The following AGPAT4 variants were observed in gnomAD, a reference collection of about 807,000 sequenced individuals.
AGPAT4 encodes the protein 1-acylglycerol-3-phosphate O-acyltransferase 4.
A neutral mutation model predicts 48.0 loss-of-function variants in AGPAT4; 15 were observed. That is an observed-to-expected ratio of 0.31 (90% CI 0.21 to 0.48). AGPAT4 has a LOEUF of 0.48. AGPAT4 is among the 20% of genes least tolerant of loss of function. The pLI is 0.99. For missense variants in AGPAT4, 314 were observed against 482.5 expected (o/e 0.65, Z 3.27); for synonymous variants, 178 against 198.7 (o/e 0.90, Z 0.88).
chr6:161,153,282 C>A, intron 5 of AGPAT4, 64 bp downstream of exon 5: 1 of 1,541,758 alleles, frequency 6.5e-7, no homozygotes, highest in Admixed American at 1.9e-5. Flanking sequence ...CTCTGCCCAT[C>A]CGGAGCTGGG....
rs1779173099 is a variant in AGPAT4 at position 161,139,237 on chromosome 6, C to T, written c.1042+185G>A. On this transcript the variant is annotated intron_variant, in intron 8 of 8. Coordinates refer to ENST00000320285, the MANE Select transcript of AGPAT4 (RefSeq NM_020133.3). This position sits in a 1 kb window ranked among gnomAD's most constrained non-coding sequence, Gnocchi z 9.1. Reference sequence around the variant, plus strand: ...GGACCGTCCAGGCTGCGGAGGGGGTCCCAGGCCTGGTATTCGAGGGCCTCG... The same window carrying T: ...GGACCGTCCAGGCTGCGGAGGGGGTTCCAGGCCTGGTATTCGAGGGCCTCG... Among the ~76,000 whole-genome samples, 1 of 152,202 alleles carries T rather than the reference C, an allele frequency of 6.6e-6. No individual in the cohort carries two copies. Among genetic ancestry groups the T allele is most frequent in the African/African-American group, 2.4e-5 (1 of 41,460 alleles).
chr6:161,234,798 C>T lies in AGPAT4; in HGVS notation c.-89-2496G>A, dbSNP rs1271864148. On this transcript the variant is annotated intron_variant, in intron 1 of 8. Transcript: ENST00000320285. This position sits in a 1 kb window ranked among gnomAD's most constrained non-coding sequence, Gnocchi z 4.4. The stretch of plus-strand genomic sequence containing the variant: ...CTAAGAAAAGGAAGCCAGCTGACAT[C>T]GGAAATGCAGGGGGTTAAATGCTGC... Among the ~76,000 whole-genome samples the T allele has an allele frequency of 1.3e-5, 2 of 151,946 alleles. No individual in the cohort carries two copies. The highest frequency in any genetic ancestry group is 2.1e-4 in the South Asian group (1 of 4,818).
chr6:161,203,198 C>A (rs981582355), intron 2 of AGPAT4, among the ~76,000 whole-genome samples: 4 of 152,166 alleles, frequency 2.6e-5, no homozygotes, highest in African/African-American at 9.7e-5. Context: ...TAGTCTCTCT[C>A]TCTCCCATTA....
At position 161,146,726 on chromosome 6, in the gene AGPAT4, T is replaced by C. The variant is rs1779443439; in HGVS notation, c.768-127A>G. The C allele has an allele frequency of 1.2e-5, 10 of 803,210 alleles. No homozygotes were observed. The highest frequency in any genetic ancestry group is 3.4e-5 in the African/African-American group (2 of 58,644). 49.8% of individuals were successfully genotyped at this position (803,210 alleles called of 1,614,324 possible). ...CTAAATAATGTGGAACTGAAGAGAG[T>C]AATGCAAGTGATAGAAAGAAGGGGC... On this transcript the variant is annotated intron_variant, in intron 6 of 8. Coordinates refer to ENST00000320285, the MANE Select transcript of AGPAT4 (RefSeq NM_020133.3). This position sits in a 1 kb window ranked among gnomAD's most constrained non-coding sequence, Gnocchi z 7.1.
intron 3 of AGPAT4, among the ~76,000 whole-genome samples, chr6:161,156,194 G>A (rs1048479600): frequency 6.6e-6 from 1 of 152,208 alleles, no homozygotes; most frequent in Non-Finnish European, 1.5e-5. Context: ...TGTCACGTGG[G>A]TTATGGTGTG....
chr6:161,144,864 C>G lies in AGPAT4; in HGVS notation c.843+1660G>C, dbSNP rs4598047. On this transcript the variant is annotated intron_variant, in intron 7 of 8. Transcript: ENST00000320285. The surrounding 1 kb of genome is among the most constrained non-coding windows in gnomAD (Gnocchi z 6.6). The stretch of plus-strand genomic sequence containing the variant: ...GGCATGGTGGCGGGTGCCTGTAGTC[C>G]CAGATATTTGGGAGGCTGAGGCAGG... Among the ~76,000 whole-genome samples, 25,966 of 151,764 alleles carry G rather than the reference C, an allele frequency of 0.17. 2,955 individuals carry two copies. Among genetic ancestry groups the G allele is most frequent in the African/African-American group, 0.33 (13,603 of 41,226 alleles).
Position 161,131,573 on chromosome 6 carries a change from G to A in AGPAT4, c.*4967C>T, listed in dbSNP as rs1216987161. Reference sequence around the variant, plus strand: ...TCACTATTCACTGAGGGCCATGAGGGTGAGGCCCTGCTGGGGGGGCAGGGC... The same window carrying A: ...TCACTATTCACTGAGGGCCATGAGGATGAGGCCCTGCTGGGGGGGCAGGGC... On this transcript the variant is annotated 3_prime_UTR_variant, in exon 9 of 9. Transcript: ENST00000320285. 1 of 152,334 alleles carries A rather than the reference G, an allele frequency of 6.6e-6. No individual in the cohort carries two copies. Among genetic ancestry groups the A allele is most frequent in the East Asian group, 1.9e-4 (1 of 5,190 alleles). The allele number at this position is 152,334 out of a possible 1,614,324, so 9.4% of individuals were successfully genotyped here.
At position 161,159,007 on chromosome 6, in the gene AGPAT4, C is replaced by T. The variant is rs1779845759; in HGVS notation, c.349-4697G>A. 6.6e-6 allele frequency among the ~76,000 whole-genome samples: 1 copy of T among 152,192 alleles called. No individual in the cohort carries two copies. The highest frequency in any genetic ancestry group is 1.5e-5 in the Non-Finnish European group (1 of 68,038). ...AGTGAGCCAAGGTCATTTATTTCTACTAAATATATAAAATGAGGTATCTTA... is the reference window on the plus strand; with the variant it reads ...AGTGAGCCAAGGTCATTTATTTCTATTAAATATATAAAATGAGGTATCTTA... On this transcript the variant is annotated intron_variant, in intron 3 of 8. Coordinates refer to ENST00000320285, the MANE Select transcript of AGPAT4 (RefSeq NM_020133.3). The surrounding 1 kb of genome is among the most constrained non-coding windows in gnomAD (Gnocchi z 4.1).
At position 161,215,186 on chromosome 6, in the gene AGPAT4, T is replaced by C. The variant is rs537543859; in HGVS notation, c.178+16850A>G. Among the ~76,000 whole-genome samples, 49 of 152,348 alleles carry C rather than the reference T, an allele frequency of 3.2e-4. No individual in the cohort carries two copies. Among genetic ancestry groups the C allele is most frequent in the African/African-American group, 1.2e-3 (48 of 41,582 alleles). ...AGTCTTCACAATTTGGCAAGCTACA[T>C]TAATGACCCTATTTAACTTATGATC... On this transcript the variant is annotated intron_variant, in intron 2 of 8. Transcript: ENST00000320285. The surrounding 1 kb of genome is among the most constrained non-coding windows in gnomAD (Gnocchi z 4.5).
Position 161,166,048 on chromosome 6 carries a change from A to G in AGPAT4, c.348+200T>C. The G allele has an allele frequency of 2.9e-6, 2 of 679,030 alleles. No individual in the cohort carries two copies. The highest frequency in any genetic ancestry group is 5.1e-6 in the Non-Finnish European group (2 of 394,580). The allele number at this position is 679,030 out of a possible 1,614,324, so 42.1% of individuals were successfully genotyped here. Reference sequence around the variant, plus strand: ...AATGGCCGGCAGGTAGCAATTGTTGAGTACCTCTTATGATTGCCCATAAGA... The same window carrying G: ...AATGGCCGGCAGGTAGCAATTGTTGGGTACCTCTTATGATTGCCCATAAGA... On this transcript the variant is annotated intron_variant, in intron 3 of 8. Transcript: ENST00000320285. This position sits in a 1 kb window ranked among gnomAD's most constrained non-coding sequence, Gnocchi z 6.7.
At chr6:161,186,982 G>A (rs981255347) in intron 2 of AGPAT4, among the ~76,000 whole-genome samples, 2 of 152,066 alleles carry the variant, frequency 1.3e-5, no homozygotes, top group African/African-American at 4.8e-5. Flanking sequence ...CCCCCACGAG[G>A]GACACAGCCT....
rs1311002326 is a variant in AGPAT4 at position 161,240,807 on chromosome 6, A to T, written c.-89-8505T>A. Among the ~76,000 whole-genome samples, 3 of 152,160 alleles carry T rather than the reference A, an allele frequency of 2.0e-5. No individual in the cohort carries two copies. The highest frequency in any genetic ancestry group is 7.2e-5 in the African/African-American group (3 of 41,424). On this transcript the variant is annotated intron_variant, in intron 1 of 8. Coordinates refer to ENST00000320285, the MANE Select transcript of AGPAT4 (RefSeq NM_020133.3). The surrounding 1 kb of genome is among the most constrained non-coding windows in gnomAD (Gnocchi z 5.5). ...GCAACTAACTTGTACAGGTCTGAGG[A>T]ACGTGCTCTGTTCTCACTCCTGGCA... is the stretch of plus-strand genomic sequence containing the variant.
intron 2 of AGPAT4, among the ~76,000 whole-genome samples, chr6:161,176,660 T>C (rs1427626318): frequency 6.6e-6 from 1 of 152,224 alleles, no homozygotes; most frequent in Admixed American, 6.5e-5. Flanking sequence ...AATATTGTTA[T>C]GTGTGAATTT....
rs1295831652 is a variant in AGPAT4, at chr6:161,255,530, C to T, written c.-90+18408G>A. Among the ~76,000 whole-genome samples, 1 of 152,196 alleles carries T rather than the reference C, an allele frequency of 6.6e-6. No homozygotes were observed. The highest frequency in any genetic ancestry group is 1.5e-5 in the Non-Finnish European group (1 of 68,038). The stretch of plus-strand genomic sequence containing the variant: ...CAGTATATCCATAAAATGGAATATT[C>T]TCCAGCCACAAGAAAGAATAAATTA... On this transcript the variant is annotated intron_variant, in intron 1 of 8. Coordinates refer to ENST00000320285, the MANE Select transcript of AGPAT4 (RefSeq NM_020133.3). This position sits in a 1 kb window ranked among gnomAD's most constrained non-coding sequence, Gnocchi z 4.7.
At position 161,132,753 on chromosome 6, in the gene AGPAT4, C is replaced by T. The variant is rs576271582; in HGVS notation, c.*3787G>A. 6.6e-6 allele frequency: 1 copy of T among 152,238 alleles called. No individual in the cohort carries two copies. Among genetic ancestry groups the T allele is most frequent in the African/African-American group, 2.4e-5 (1 of 41,458 alleles). 9.4% of individuals were successfully genotyped at this position (152,238 alleles called of 1,614,324 possible). A position where few individuals can be genotyped will look rare whatever the true frequency, so the allele number is the denominator to read the frequency against. On this transcript the variant is annotated 3_prime_UTR_variant, in exon 9 of 9. Coordinates refer to ENST00000320285, the MANE Select transcript of AGPAT4 (RefSeq NM_020133.3). ...ACGTCAGTTAAGGCATCGTGAGACA[C>T]AGGTGTGGTGGAGGCATTATGAGGG... is the stretch of plus-strand genomic sequence containing the variant.
chr6:161,273,797 C>CCA (rs1387021402), intron 1 of AGPAT4, 141 bp downstream of exon 1: 7 of 149,244 alleles, frequency 4.7e-5, no homozygotes, highest in African/African-American at 9.9e-5. Flanking sequence ...CTTGCACTCC[C>CCA]CCCCCGCCCC....
In AGPAT4 at chr6:161,219,824, GAGATAGATAGATAGAT is replaced by G. The variant is rs55973440; in HGVS notation, c.178+12196_178+12211del. Among the ~76,000 whole-genome samples the G allele has an allele frequency of 7.8e-5, 7 of 89,532 alleles. No homozygotes were observed. In the East Asian group the frequency reaches 1.2e-3, roughly 15 times the overall value. 58.7% of individuals were successfully genotyped at this position (89,532 alleles called of 152,430 possible). A position where few individuals can be genotyped will look rare whatever the true frequency, so the allele number is the denominator to read the frequency against. On this transcript the variant is annotated intron_variant, in intron 2 of 8. Transcript: ENST00000320285. This position sits in a 1 kb window ranked among gnomAD's most constrained non-coding sequence, Gnocchi z 4.9. ...AGATTCACAGTAAAAAAGATAGACA[GAGATAGATAGATAGAT>G]AGATAGATAGATAGATAGATAGATA...
At position 161,138,260 on chromosome 6, in the gene AGPAT4, CTAAAA is replaced by C. The variant is rs1481483880; in HGVS notation, c.1042+1157_1042+1161del. Among the ~76,000 whole-genome samples, 19 of 152,290 alleles carry C rather than the reference CTAAAA, an allele frequency of 1.2e-4. No homozygotes were observed. Among genetic ancestry groups the C allele is most frequent in the East Asian group, 5.8e-4 (3 of 5,178 alleles). ...TGTTTTAATATTTTAATTTTTAACA[CTAAAA>C]TACATCTTAATCTTTCAAAAGACTG... On this transcript the variant is annotated intron_variant, in intron 8 of 8. Transcript: ENST00000320285. This position sits in a 1 kb window ranked among gnomAD's most constrained non-coding sequence, Gnocchi z 4.8.
chr6:161,148,174 G>C lies in AGPAT4; in HGVS notation c.767+1013C>G, dbSNP rs1463273263. Among the ~76,000 whole-genome samples the C allele has an allele frequency of 6.6e-6, 1 of 152,214 alleles. No individual in the cohort carries two copies. The highest frequency in any genetic ancestry group is 1.5e-5 in the Non-Finnish European group (1 of 68,042). On this transcript the variant is annotated intron_variant, in intron 6 of 8. Coordinates refer to ENST00000320285, the MANE Select transcript of AGPAT4 (RefSeq NM_020133.3). This position sits in a 1 kb window ranked among gnomAD's most constrained non-coding sequence, Gnocchi z 5.5. ...AAACCTCACTTTACTCCTAGGAGAAGGTCTAAAGGTCTCCTTCGGGCAGGT... is the reference window on the plus strand; with the variant it reads ...AAACCTCACTTTACTCCTAGGAGAACGTCTAAAGGTCTCCTTCGGGCAGGT...
Sources: allele counts gnomAD v4.1 joint callset (sites outside exome capture counted in the v4.1 genomes callset), GRCh38; gene constraint gnomAD v4.1.1; non-coding constraint Gnocchi (gnomAD v3.1); transcripts MANE v1.5; gene names NCBI Gene and HGNC (gene_info 2026-07-23, HGNC 2026-07-21).